The following FRMD4A variants were observed in gnomAD, a reference collection of about 807,000 sequenced individuals.
FRMD4A encodes the protein FERM domain containing 4A.
FRMD4A carries 29 observed loss-of-function variants against 129.1 expected under a neutral mutation model. The observed-to-expected ratio is 0.22, with a 90% confidence interval of 0.17 to 0.31. The LOEUF is 0.31. Ranked by LOEUF, FRMD4A falls within the 10% of genes least tolerant of loss-of-function variation. FRMD4A has a pLI of 1.00. For missense variants in FRMD4A, 1,272 were observed against 1,375.8 expected, an observed-to-expected ratio of 0.92 and a Z score of 1.19; for synonymous variants, 634 against 571.6, an observed-to-expected ratio of 1.11 and a Z score of -1.56.
chr10:14,156,571 T>C (rs1303403314), intron 2 of FRMD4A, among the ~76,000 whole-genome samples: 2 of 152,134 alleles, frequency 1.3e-5, no homozygotes, highest in Non-Finnish European at 2.9e-5. Flanking sequence ...AGGGAGATAA[T>C]GAGGGAAGGT....
chr10:14,026,773 A>C (rs1201881112), intron 2 of FRMD4A, among the ~76,000 whole-genome samples: 2 of 152,180 alleles, frequency 1.3e-5, no homozygotes, highest in Non-Finnish European at 2.9e-5. Flanking sequence ...AGCTGCCCTG[A>C]AGGTCCTCAA....
chr10:13,882,280 T>A (rs2094556453), intron 2 of FRMD4A, among the ~76,000 whole-genome samples: 1 of 151,960 alleles, frequency 6.6e-6, no homozygotes, highest in African/African-American at 2.4e-5. Flanking sequence ...TAAAAGAATG[T>A]GGGAAGACAA....
At chr10:13,705,355 C>G (rs2087318105) in intron 13 of FRMD4A, among the ~76,000 whole-genome samples, 1 of 152,168 alleles carries the variant, frequency 6.6e-6, no homozygotes, top group Non-Finnish European at 1.5e-5. Context: ...AACACGAACA[C>G]ACATGTGCAG....
chr10:14,279,567 T>C (rs367720243), intron 2 of FRMD4A, among the ~76,000 whole-genome samples: 9 of 152,132 alleles, frequency 5.9e-5, no homozygotes, highest in African/African-American at 2.2e-4. Context: ...CAATTTTCTC[T>C]CTTTATACTT....
chr10:13,959,343 G>A (rs2447024), intron 2 of FRMD4A, among the ~76,000 whole-genome samples: 66,423 of 151,598 alleles, frequency 0.44, 15,528 homozygotes, highest in East Asian at 0.8. Flanking sequence ...GTGGTGGCGC[G>A]TGCCTTTGGC....
intron 2 of FRMD4A, among the ~76,000 whole-genome samples, chr10:14,255,310 T>C (rs1300449809): frequency 6.6e-6 from 1 of 152,160 alleles, no homozygotes; most frequent in Admixed American, 6.5e-5. Flanking sequence ...CCTTCTAACA[T>C]AGCCACAGTG....
chr10:13,694,361 C>A (rs186757769), intron 14 of FRMD4A, among the ~76,000 whole-genome samples: 71 of 152,220 alleles, frequency 4.7e-4, no homozygotes, highest in Non-Finnish European at 6.0e-4. Context: ...TTATTCCCAG[C>A]CACAAAACAG....
In FRMD4A at chr10:14,129,371, CATATAT is replaced by C. The variant is rs3033977; in HGVS notation, c.45+200681_45+200686del. ...AATTTAAAACAACACAATTATGATTCATATATATATATATATATATATATATATATA... is the reference window on the plus strand; with the variant it reads ...AATTTAAAACAACACAATTATGATTCATATATATATATATATATATATATA... On this transcript the variant is annotated intron_variant, in intron 2 of 24. Coordinates refer to ENST00000357447, the MANE Select transcript of FRMD4A (RefSeq NM_018027.5). Among the ~76,000 whole-genome samples the C allele has an allele frequency of 8.0e-3, 370 of 46,212 alleles. 2 individuals carry two copies. Among genetic ancestry groups the C allele is most frequent in the Middle Eastern group, 0.023 (2 of 88 alleles). The allele number at this position is 46,212 out of a possible 152,430, so 30.3% of individuals were successfully genotyped here. A position where few individuals can be genotyped will look rare whatever the true frequency, so the allele number is the denominator to read the frequency against.
In FRMD4A at chr10:13,821,422, CA is replaced by C. The variant is rs1250770490; in HGVS notation, c.112-10515del. 6.6e-6 allele frequency among the ~76,000 whole-genome samples: 1 copy of C among 152,164 alleles called. No individual in the cohort carries two copies. Among genetic ancestry groups the C allele is most frequent in the Non-Finnish European group, 1.5e-5 (1 of 68,024 alleles). ...TCAGAGACCCGCCTGCCAGAGGTGG[CA>C]TCTCTTTACCCAGAGGTCCCTGCCC... On this transcript the variant is annotated intron_variant, in intron 3 of 24. Transcript: ENST00000357447. The surrounding 1 kb of genome is among the most constrained non-coding windows in gnomAD (Gnocchi z 4.3).
chr10:13,663,547 C>T (rs758466358), intron 18 of FRMD4A, 38 bp from the exon 19 acceptor site: 2 of 1,048,078 alleles, frequency 1.9e-6, no homozygotes, highest in African/African-American at 3.1e-5. Flanking sequence ...GAGTTCAGCA[C>T]ATTCCTTCAG....
At chr10:14,088,394 C>T (rs1028952589) in intron 2 of FRMD4A, among the ~76,000 whole-genome samples, 1 of 151,566 alleles carries the variant, frequency 6.6e-6, no homozygotes, top group Non-Finnish European at 1.5e-5. Flanking sequence ...CTGCAATGAG[C>T]CATGATTGTG....
chr10:13,986,929 T>A (rs1328047502), intron 2 of FRMD4A, among the ~76,000 whole-genome samples: 5 of 152,008 alleles, frequency 3.3e-5, no homozygotes, highest in African/African-American at 1.2e-4. Flanking sequence ...CATACCTGTA[T>A]GAGAATCACC....
intron 12 of FRMD4A, among the ~76,000 whole-genome samples, chr10:13,714,037 T>TAAA (rs1301118694): frequency 1.0e-3 from 1 of 1,004 alleles, no homozygotes; most frequent in Non-Finnish European, 1.9e-3. Flanking sequence ...CATATATATA[T>TAAA]ATATATATAT....
At chr10:13,952,405 G>A (rs945277046) in intron 2 of FRMD4A, among the ~76,000 whole-genome samples, 2 of 152,052 alleles carry the variant, frequency 1.3e-5, no homozygotes, top group African/African-American at 4.8e-5. Context: ...GGAGGCTGAG[G>A]ATGGAGGATC....
intron 2 of FRMD4A, among the ~76,000 whole-genome samples, chr10:14,172,667 T>C (rs934093099): frequency 6.6e-6 from 1 of 152,200 alleles, no homozygotes; most frequent in Non-Finnish European, 1.5e-5. Context: ...CCTCATCCTG[T>C]CAATCAAGTG....
At chr10:13,952,117 T>A (rs1280313374) in intron 2 of FRMD4A, among the ~76,000 whole-genome samples, 1 of 146,664 alleles carries the variant, frequency 6.8e-6, no homozygotes, top group Non-Finnish European at 1.5e-5. Flanking sequence ...ACTTTCCCCA[T>A]GATGTATGTT....
At chr10:14,189,912 G>A (rs1190854498) in intron 2 of FRMD4A, among the ~76,000 whole-genome samples, 1 of 152,188 alleles carries the variant, frequency 6.6e-6, no homozygotes, top group Non-Finnish European at 1.5e-5. Flanking sequence ...GAGCTCAGGA[G>A]AGATTTCTAT....
chr10:13,741,789 C>A lies in FRMD4A; in HGVS notation c.549-1212G>T, dbSNP rs182549997. ...AAGCAACAAAAGCCCCATAGGAATG[C>A]TTGGAGAACAACAGCAAACCAGCTA... On this transcript the variant is annotated intron_variant, in intron 9 of 24. Transcript: ENST00000357447. Among the ~76,000 whole-genome samples the A allele has an allele frequency of 4.5e-4, 69 of 152,030 alleles. No homozygotes were observed. In the East Asian group the frequency reaches 0.012, roughly 26 times the overall value.
chr10:14,252,822 A>G (rs1407789528), intron 2 of FRMD4A, among the ~76,000 whole-genome samples: 1 of 152,244 alleles, frequency 6.6e-6, no homozygotes, highest in Non-Finnish European at 1.5e-5. Context: ...AGAACCAATT[A>G]TTACTATGAT....
Sources: gnomAD v4.1 joint callset for allele counts (sites outside exome capture counted in the v4.1 genomes callset) on GRCh38, gnomAD v4.1.1 for gene constraint, Gnocchi (gnomAD v3.1) non-coding constraint, MANE v1.5 for transcripts, NCBI Gene and HGNC (gene_info 2026-07-23, HGNC 2026-07-21) for gene names.